Variants in PAM observed in about 807,000 individuals in gnomAD.
The protein encoded by PAM is peptidylglycine alpha-amidating monooxygenase.
Under a neutral mutation model 122.1 loss-of-function variants are expected in PAM, and 72 were observed. The observed-to-expected ratio is 0.59, with a 90% confidence interval of 0.49 to 0.72. The LOEUF (loss-of-function observed/expected upper bound fraction) is 0.72, where lower values mean the gene tolerates loss of function less well. Among genes scored for constraint, PAM ranks in the 30% least tolerant of loss-of-function variants. PAM has a pLI of 0.00. For synonymous variants in PAM, 389 were observed against 404.4 expected (o/e 0.96, Z 0.46); for missense variants, 1,106 against 1,183.7 (o/e 0.93, Z 0.96).
chr5:102,989,745 A>G (rs1773386683), intron 15 of PAM: 2 of 151,944 alleles, frequency 1.3e-5, no homozygotes, highest in East Asian at 1.9e-4. Context: ...GTGGTTTATT[A>G]TGGGGGCTAT....
intron 1 of PAM, among the ~76,000 whole-genome samples, chr5:102,788,455 C>G (rs527446914): frequency 6.6e-6 from 1 of 152,020 alleles, no homozygotes; most frequent in African/African-American, 2.4e-5. Flanking sequence ...ATAGAAACTA[C>G]GTTTCTCTCC....
chr5:102,806,106 TA>T (rs1210497392), intron 1 of PAM, among the ~76,000 whole-genome samples: 2 of 152,258 alleles, frequency 1.3e-5, no homozygotes, highest in African/African-American at 2.4e-5. Flanking sequence ...TTATGATTGT[TA>T]CATCTCTGGA....
intron 3 of PAM, among the ~76,000 whole-genome samples, chr5:102,871,208 T>C (rs1270958325): frequency 6.6e-6 from 1 of 152,158 alleles, no homozygotes; most frequent in African/African-American, 2.4e-5. Flanking sequence ...AGGATAATAA[T>C]AGTTTATTAT....
In PAM at chr5:102,941,173, C is replaced by T. The variant is rs1392064479; in HGVS notation, c.527-5664C>T. ...GCCATAACATCCTCCACACACACAG[C>T]AATTATAAAAGCAGGTTGGAGAGCC... On this transcript the variant is annotated intron_variant, in intron 7 of 25. Transcript: ENST00000438793. Among the ~76,000 whole-genome samples the T allele has an allele frequency of 3.9e-5, 6 of 152,180 alleles. No individual in the cohort carries two copies. The East Asian group carries it at 1.2e-3, about 29-fold the overall frequency.
chr5:102,998,178 G>A (rs1396852610), intron 16 of PAM, among the ~76,000 whole-genome samples: 1 of 152,184 alleles, frequency 6.6e-6, no homozygotes, highest in African/African-American at 2.4e-5. Context: ...TAAATTGTAG[G>A]AGTGCTATTT....
intron 3 of PAM, among the ~76,000 whole-genome samples, chr5:102,872,244 A>G (rs1008068403): frequency 2.6e-5 from 4 of 152,170 alleles, no homozygotes; most frequent in African/African-American, 9.7e-5. Flanking sequence ...ACATATATCT[A>G]TTGCCAGGAA....
Position 102,949,899 on chromosome 5 carries a change from C to G in PAM, c.725-3C>G. 5 of 1,489,860 alleles carry G rather than the reference C, an allele frequency of 3.4e-6. No individual in the cohort carries two copies. The highest frequency in any genetic ancestry group is 4.7e-6 in the Non-Finnish European group (5 of 1,071,506). The allele number at this position is 1,489,860 out of a possible 1,614,324, so 92.3% of individuals were successfully genotyped here. On this transcript the variant is annotated splice_region_variant and splice_polypyrimidine_tract_variant and intron_variant, in intron 10 of 25. Transcript: ENST00000438793. ...AAATGATTAAAATTTGTGTTTATTACAGGTAAGGTAGTAAGTGGATACAGA... is the reference window on the plus strand; with the variant it reads ...AAATGATTAAAATTTGTGTTTATTAGAGGTAAGGTAGTAAGTGGATACAGA...
chr5:102,962,996 G>T (rs556321019), intron 14 of PAM, among the ~76,000 whole-genome samples: 3 of 151,676 alleles, frequency 2.0e-5, no homozygotes, highest in Non-Finnish European at 4.4e-5. Flanking sequence ...GTAACTAAAG[G>T]TATTTAACTT....
At chr5:102,980,735 G>GA (rs1264991313) in intron 15 of PAM, among the ~76,000 whole-genome samples, 2 of 152,130 alleles carry the variant, frequency 1.3e-5, no homozygotes, top group Admixed American at 6.5e-5. Context: ...AATATTCACA[G>GA]AAAAAAACCA....
intron 6 of PAM, among the ~76,000 whole-genome samples, chr5:102,925,410 GAACCT>G (rs1749073399): frequency 6.6e-6 from 1 of 152,158 alleles, no homozygotes; most frequent in South Asian, 2.1e-4. Context: ...TACAGTCCTG[GAACCT>G]AGGTATCTAA....
At chr5:102,882,522 CT>C (rs1791625762) in intron 3 of PAM, among the ~76,000 whole-genome samples, 3 of 151,702 alleles carry the variant, frequency 2.0e-5, no homozygotes, top group Admixed American at 1.3e-4. Context: ...TGTATATATT[CT>C]TTTGAGAATT....
chr5:102,775,894 T>TA, intron 1 of PAM, among the ~76,000 whole-genome samples: 1 of 152,066 alleles, frequency 6.6e-6, no homozygotes, highest in Non-Finnish European at 1.5e-5. Context: ...TTTCTGGTAA[T>TA]ACATCCTTGA....
intron 15 of PAM, among the ~76,000 whole-genome samples, chr5:102,981,729 C>T (rs1345073772): frequency 6.6e-6 from 1 of 152,088 alleles, no homozygotes; most frequent in African/African-American, 2.4e-5. Flanking sequence ...CTTTGAGTTC[C>T]CCTTGGAGCC....
At chr5:102,795,189 CAAAAAAAAA>C (rs33988105) in intron 1 of PAM, among the ~76,000 whole-genome samples, 3 of 59,682 alleles carry the variant, frequency 5.0e-5, no homozygotes, top group African/African-American at 1.3e-4. Flanking sequence ...GACAATGTCT[CAAAAAAAAA>C]AAAAAAAAAA....
chr5:102,980,704 A>G (rs1174834827), intron 15 of PAM, among the ~76,000 whole-genome samples: 1 of 152,206 alleles, frequency 6.6e-6, no homozygotes, highest in African/African-American at 2.4e-5. Context: ...ACTGGAAGCA[A>G]AAGTATTAAT....
chr5:102,780,781 T>C (rs1290109204), intron 1 of PAM, among the ~76,000 whole-genome samples: 3 of 136,392 alleles, frequency 2.2e-5, no homozygotes, highest in African/African-American at 8.7e-5. Context: ...CTTTCTTTCT[T>C]TCTTTCTTTC....
intron 1 of PAM, among the ~76,000 whole-genome samples, chr5:102,841,955 A>G (rs1020035191): frequency 6.6e-6 from 1 of 152,144 alleles, no homozygotes; most frequent in Non-Finnish European, 1.5e-5. Flanking sequence ...TGGCAAGTCT[A>G]TCTGGATAGA....
At chr5:102,997,865 C>T (rs952739790) in intron 16 of PAM, among the ~76,000 whole-genome samples, 4 of 152,164 alleles carry the variant, frequency 2.6e-5, no homozygotes, top group African/African-American at 9.7e-5. Context: ...TTTTCACTTA[C>T]CTACTTATCA....
intron 1 of PAM, among the ~76,000 whole-genome samples, chr5:102,837,461 C>T (rs182100994): frequency 5.3e-5 from 8 of 152,276 alleles, no homozygotes; most frequent in Admixed American, 4.6e-4. Context: ...ATTTTTTAAC[C>T]AAATCAATAA....
Sources: gnomAD v4.1 joint callset for allele counts (sites outside exome capture counted in the v4.1 genomes callset) on GRCh38, gnomAD v4.1.1 for gene constraint, MANE v1.5 for transcripts, NCBI Gene and HGNC (gene_info 2026-07-23, HGNC 2026-07-21) for gene names.